Variants in MAP3K5 observed in about 807,000 individuals in gnomAD.
MAP3K5 encodes ASK-1.
In MAP3K5, 56 loss-of-function variants were observed where a neutral mutation model predicts 158.7. That is an observed-to-expected ratio of 0.35 (90% CI 0.28 to 0.44). The LOEUF (loss-of-function observed/expected upper bound fraction) is 0.44. Ranked by LOEUF, MAP3K5 falls within the 20% of genes least tolerant of loss-of-function variation. The pLI, the probability that MAP3K5 is intolerant of heterozygous loss-of-function variation, is 1.00. For missense variants in MAP3K5, 1,294 were observed against 1,674.8 expected, an observed-to-expected ratio of 0.77 and a Z score of 3.97; for synonymous variants, 579 against 601.7, an observed-to-expected ratio of 0.96 and a Z score of 0.55.
At chr6:136,557,848 C>T (rs533774529) in intron 29 of MAP3K5, 30 bp from the exon 30 acceptor site, 22 of 1,468,236 alleles carry the variant, frequency 1.5e-5, no homozygotes, top group Admixed American at 1.2e-4. Context: ...CATGGTGAAA[C>T]GAACATTTCA....
At chr6:136,623,058 G>T in intron 14 of MAP3K5, 77 bp from the exon 15 acceptor site, 1 of 1,421,914 alleles carries the variant, frequency 7.0e-7, no homozygotes, top group South Asian at 1.2e-5. Flanking sequence ...TTTTTTCCAA[G>T]AGCATTATTC....
chr6:136,787,059 C>A (rs1784881878), intron 1 of MAP3K5, among the ~76,000 whole-genome samples: 1 of 152,070 alleles, frequency 6.6e-6, no homozygotes, highest in African/African-American at 2.4e-5. Context: ...TCAGGTGTCA[C>A]CACCTTTAAG....
intron 2 of MAP3K5, among the ~76,000 whole-genome samples, chr6:136,716,420 G>C (rs1781530929): frequency 6.6e-6 from 1 of 152,174 alleles, no homozygotes; most frequent in South Asian, 2.1e-4. Context: ...ATTGTTTAAA[G>C]TGAGTGGGGA....
intron 1 of MAP3K5, among the ~76,000 whole-genome samples, chr6:136,772,117 A>C: frequency 2.2e-5 from 3 of 135,548 alleles, no homozygotes; most frequent in Non-Finnish European, 3.1e-5. Flanking sequence ...GGGGTTTACC[A>C]TGTTGGCCAG....
In MAP3K5 at chr6:136,717,382, T is replaced by C. The variant is rs117576159; in HGVS notation, c.588+3068A>G. On this transcript the variant is annotated intron_variant, in intron 2 of 29. Transcript: ENST00000359015. ...AAAATTTTTTTCTACGATTTCTTCC[T>C]GAGAATTTGCCACCAAAGAGAAACT... Among the ~76,000 whole-genome samples the C allele has an allele frequency of 1.9e-3, 294 of 152,302 alleles. 7 individuals are homozygous for C. In the East Asian group the frequency reaches 0.035, roughly 18 times the overall value.
chr6:136,576,240 C>G (rs1208201273), intron 25 of MAP3K5, among the ~76,000 whole-genome samples: 1 of 152,138 alleles, frequency 6.6e-6, no homozygotes, highest in Non-Finnish European at 1.5e-5. Flanking sequence ...CAGGTTGGCT[C>G]TAGTGTCCTT....
In MAP3K5 at chr6:136,752,750, A is replaced by T. The variant is rs1163979319; in HGVS notation, c.449-32161T>A. Among the ~76,000 whole-genome samples the T allele has an allele frequency of 2.0e-5, 3 of 152,184 alleles. No individual in the cohort carries two copies. In the East Asian group the frequency reaches 5.8e-4, roughly 29 times the overall value. ...TGAGTGTGACTTTACTCCAGGAAGA[A>T]GATGAAGGGCACTCCAGATAAAGGC... On this transcript the variant is annotated intron_variant, in intron 1 of 29. Coordinates refer to ENST00000359015, the MANE Select transcript of MAP3K5 (RefSeq NM_005923.4).
chr6:136,780,908 T>C (rs1784587055), intron 1 of MAP3K5, among the ~76,000 whole-genome samples: 1 of 152,230 alleles, frequency 6.6e-6, no homozygotes, highest in Admixed American at 6.5e-5. Context: ...GTTTTTCCCA[T>C]GCAAACAGAT....
chr6:136,578,962 G>A (rs911498885), intron 25 of MAP3K5, among the ~76,000 whole-genome samples: 2 of 151,640 alleles, frequency 1.3e-5, no homozygotes, highest in South Asian at 2.1e-4. Context: ...CTTGAGCCCA[G>A]GGGTTTGAGA....
At chr6:136,752,154 T>C (rs1783239175) in intron 1 of MAP3K5, among the ~76,000 whole-genome samples, 1 of 152,180 alleles carries the variant, frequency 6.6e-6, no homozygotes, top group Non-Finnish European at 1.5e-5. Context: ...TGAGTTAGCA[T>C]CTACCCTGTC....
At chr6:136,633,787 G>C (rs1053655335) in intron 14 of MAP3K5, among the ~76,000 whole-genome samples, 13 of 152,308 alleles carry the variant, frequency 8.5e-5, no homozygotes, top group African/African-American at 2.4e-4. Flanking sequence ...TTACTGTTTT[G>C]CTGACTGCTG....
chr6:136,721,237 A>AC (rs11370507), intron 1 of MAP3K5, among the ~76,000 whole-genome samples: 2 of 151,904 alleles, frequency 1.3e-5, no homozygotes, highest in African/African-American at 4.8e-5. Flanking sequence ...AAAAAAAAAA[A>AC]CAGATTCATT....
At chr6:136,724,520 T>A (rs930254515) in intron 1 of MAP3K5, among the ~76,000 whole-genome samples, 4 of 152,126 alleles carry the variant, frequency 2.6e-5, no homozygotes, top group African/African-American at 9.7e-5. Context: ...AGTGCTGGGA[T>A]AACAAGCATG....
intron 10 of MAP3K5, among the ~76,000 whole-genome samples, chr6:136,651,923 T>A (rs544364935): frequency 2.6e-5 from 4 of 152,118 alleles, no homozygotes; most frequent in Non-Finnish European, 5.9e-5. Context: ...CTTAAAGGCA[T>A]CTTCCTGGCC....
intron 23 of MAP3K5, among the ~76,000 whole-genome samples, chr6:136,587,699 CA>C (rs1307749576): frequency 1.3e-5 from 2 of 152,186 alleles, no homozygotes; most frequent in African/African-American, 4.8e-5. Context: ...AGAAGGGCCC[CA>C]CCATCATGTG....
At chr6:136,590,761 C>T (rs1053536499) in intron 23 of MAP3K5, among the ~76,000 whole-genome samples, 7 of 151,932 alleles carry the variant, frequency 4.6e-5, no homozygotes, top group Non-Finnish European at 1.0e-4. Context: ...AGGATGGTCT[C>T]GATCTCCTGA....
At chr6:136,673,460 G>C (rs1779570074) in intron 7 of MAP3K5, among the ~76,000 whole-genome samples, 1 of 151,904 alleles carries the variant, frequency 6.6e-6, no homozygotes, top group Non-Finnish European at 1.5e-5. Flanking sequence ...TTATAGACAA[G>C]GACTTTAAGA....
chr6:136,576,532 C>A (rs769517623), intron 25 of MAP3K5, among the ~76,000 whole-genome samples: 16 of 152,134 alleles, frequency 1.1e-4, no homozygotes, highest in Non-Finnish European at 2.1e-4. Flanking sequence ...GTCTCAAACT[C>A]CTGGCCTCAA....
In MAP3K5 at chr6:136,656,318, C is replaced by A; in HGVS notation, c.1669G>T (p.Val557Phe). 2 of 1,613,850 alleles carry A rather than the reference C, an allele frequency of 1.2e-6. No individual in the cohort carries two copies. The highest frequency in any genetic ancestry group is 1.7e-6 in the Non-Finnish European group (2 of 1,179,832). Residue 557 changes from valine to phenylalanine, a missense_variant, in exon 10 of 30, where the codon GTT (valine) becomes TTT (phenylalanine). Transcript: ENST00000359015. Reference protein sequence around the residue: ...VEATKTDVTVVRFPVLILEPT... With the variant: ...VEATKTDVTVFRFPVLILEPT... ...GGAAGAGTACTCACTGGAAACCTAA[C>A]CACAGTAACATCTGTCTTTGTGGCC... is the stretch of plus-strand genomic sequence containing the variant.
Sources: allele counts gnomAD v4.1 joint callset (sites outside exome capture counted in the v4.1 genomes callset), GRCh38; gene constraint gnomAD v4.1.1; transcripts MANE v1.5; gene names NCBI Gene and HGNC (gene_info 2026-07-23, HGNC 2026-07-21).